The following CCDC141 variants were observed in gnomAD, a reference collection of about 807,000 sequenced individuals.
CCDC141 encodes coiled-coil domain-containing protein 141.
A neutral mutation model predicts 181.0 loss-of-function variants in CCDC141; 168 were observed. That is an observed-to-expected ratio of 0.93 (90% CI 0.82 to 1.05). The LOEUF (loss-of-function observed/expected upper bound fraction) is 1.05. CCDC141 is among the 50% of genes least tolerant of loss of function. The pLI is 0.00. For missense variants in CCDC141, 1,902 were observed against 1,788.5 expected, an observed-to-expected ratio of 1.06 and a Z score of -1.14; for synonymous variants, 666 against 642.3, an observed-to-expected ratio of 1.04 and a Z score of -0.56.
At chr2:178,922,410 A>G (rs1688732400) in intron 6 of CCDC141, among the ~76,000 whole-genome samples, 1 of 152,192 alleles carries the variant, frequency 6.6e-6, no homozygotes, top group Non-Finnish European at 1.5e-5. Flanking sequence ...TTTCCAGCCC[A>G]GCTCTTCTCA....
intron 2 of CCDC141, among the ~76,000 whole-genome samples, chr2:178,982,977 C>A (rs1691506509): frequency 6.6e-6 from 1 of 152,220 alleles, no homozygotes; most frequent in Non-Finnish European, 1.5e-5. Flanking sequence ...CTCAAGGAGG[C>A]CTGCCTGCCT....
At chr2:178,867,998 CT>C in intron 16 of CCDC141, 27 bp downstream of exon 16, 4 of 1,568,684 alleles carry the variant, frequency 2.5e-6, no homozygotes, top group Non-Finnish European at 3.5e-6. Flanking sequence ...AGAACTGAGT[CT>C]AAATGATAGT....
intron 2 of CCDC141, among the ~76,000 whole-genome samples, chr2:179,019,853 A>G (rs1040319757): frequency 1.3e-5 from 2 of 152,022 alleles, no homozygotes; most frequent in Non-Finnish European, 2.9e-5. Flanking sequence ...TGCAGCCTCA[A>G]CCTCCTGGGC....
At chr2:179,011,175 C>T (rs2042260430) in intron 2 of CCDC141, among the ~76,000 whole-genome samples, 1 of 151,860 alleles carries the variant, frequency 6.6e-6, no homozygotes, top group Non-Finnish European at 1.5e-5. Context: ...AAAAGAGATA[C>T]AGACTTGCAG....
intron 23 of CCDC141, among the ~76,000 whole-genome samples, chr2:178,834,924 A>AAC (rs1274451606): frequency 6.6e-6 from 1 of 151,696 alleles, no homozygotes; most frequent in African/African-American, 2.4e-5. Flanking sequence ...GGCTCAGACA[A>AAC]TGTTTTTGGA....
At chr2:178,998,956 A>C (rs1692406906) in intron 2 of CCDC141, among the ~76,000 whole-genome samples, 1 of 152,170 alleles carries the variant, frequency 6.6e-6, no homozygotes, top group Non-Finnish European at 1.5e-5. Context: ...AGTGATTCTA[A>C]AATTTGAATA....
intron 6 of CCDC141, among the ~76,000 whole-genome samples, chr2:178,937,524 A>G (rs1689339296): frequency 6.6e-6 from 1 of 152,038 alleles, no homozygotes. Flanking sequence ...CTGCATCAAT[A>G]TTCATCAAGG....
chr2:178,979,212 T>C (rs957751690), intron 2 of CCDC141, among the ~76,000 whole-genome samples: 2 of 152,104 alleles, frequency 1.3e-5, no homozygotes, highest in Admixed American at 6.6e-5. Context: ...GAACAAAATA[T>C]GAAAAATGAA....
chr2:179,012,847 AG>A (rs1575342978), intron 2 of CCDC141, among the ~76,000 whole-genome samples: 1 of 152,206 alleles, frequency 6.6e-6, no homozygotes, highest in Non-Finnish European at 1.5e-5. Context: ...CCACGTAAAC[AG>A]AATTAAAAGC....
At chr2:179,042,725 G>A (rs1335269017) in intron 2 of CCDC141, among the ~76,000 whole-genome samples, 3 of 152,166 alleles carry the variant, frequency 2.0e-5, no homozygotes, top group African/African-American at 7.2e-5. Flanking sequence ...GCAGTATGAA[G>A]TGAGAAATTT....
intron 4 of CCDC141, among the ~76,000 whole-genome samples, chr2:178,972,804 AG>A (rs1034364022): frequency 1.3e-5 from 2 of 152,168 alleles, no homozygotes; most frequent in African/African-American, 4.8e-5. Flanking sequence ...GAAACATTCC[AG>A]GGGGCAGAAA....
chr2:178,868,973 T>G lies in CCDC141; in HGVS notation c.2394+144A>C, dbSNP rs148148544. On this transcript the variant is annotated intron_variant, in intron 15 of 23. Transcript: ENST00000443758. ...TGGAACAAAAGGAAGAATAGGAACA[T>G]AGTGAGAGAAAAGATAGGGGCCAGA... 317 of 498,954 alleles carry G rather than the reference T, an allele frequency of 6.4e-4. 5 individuals carry two copies. Among genetic ancestry groups the G allele is most frequent in the African/African-American group, 5.4e-3 (269 of 50,026 alleles). 30.9% of individuals were successfully genotyped at this position (498,954 alleles called of 1,614,324 possible).
At chr2:178,983,647 C>A (rs1274806372) in intron 2 of CCDC141, among the ~76,000 whole-genome samples, 2 of 148,348 alleles carry the variant, frequency 1.3e-5, no homozygotes, top group Non-Finnish European at 3.0e-5. Flanking sequence ...AAAACCAAGG[C>A]TCGAGAACTA....
chr2:178,937,072 T>C (rs1435536017), intron 6 of CCDC141, among the ~76,000 whole-genome samples: 1 of 152,186 alleles, frequency 6.6e-6, no homozygotes, highest in Non-Finnish European at 1.5e-5. Flanking sequence ...CCTATTTGGA[T>C]GCACTTTATT....
chr2:179,011,423 A>G (rs891340833), intron 2 of CCDC141, among the ~76,000 whole-genome samples: 5 of 152,312 alleles, frequency 3.3e-5, no homozygotes, highest in Admixed American at 3.3e-4. Flanking sequence ...GAAAAATATC[A>G]CAATTCTAAA....
chr2:178,913,885 C>A (rs1025925661), intron 7 of CCDC141, among the ~76,000 whole-genome samples: 1 of 152,136 alleles, frequency 6.6e-6, no homozygotes, highest in Non-Finnish European at 1.5e-5. Context: ...GCATAGGACA[C>A]GATACATTAT....
the CCDC141 span, among the ~76,000 whole-genome samples, chr2:178,818,333 T>C: frequency 6.6e-6 from 1 of 152,176 alleles, no homozygotes; most frequent in African/African-American, 2.4e-5. Context: ...GTTTGTTACA[T>C]AGGTAAACAT....
chr2:178,872,673 A>C (rs1686173440), intron 12 of CCDC141, among the ~76,000 whole-genome samples: 1 of 152,194 alleles, frequency 6.6e-6, no homozygotes, highest in South Asian at 2.1e-4. Flanking sequence ...TCCATCTTTT[A>C]TTTTAACATG....
intron 6 of CCDC141, among the ~76,000 whole-genome samples, chr2:178,927,637 C>T (rs553933375): frequency 6.6e-6 from 1 of 152,208 alleles, no homozygotes; most frequent in South Asian, 2.1e-4. Flanking sequence ...GAAGCAATAT[C>T]TGAGCTGAGA....
Sources: gnomAD v4.1 joint callset for allele counts (sites outside exome capture counted in the v4.1 genomes callset) on GRCh38, gnomAD v4.1.1 for gene constraint, MANE v1.5 for transcripts, NCBI Gene and HGNC (gene_info 2026-07-23, HGNC 2026-07-21) for gene names.